Variants in MICAL3 observed in about 807,000 individuals in gnomAD.
MICAL3 encodes [F-actin]-monooxygenase MICAL3.
MICAL3 carries 62 observed loss-of-function variants against 207.4 expected under a neutral mutation model. That is an observed-to-expected ratio of 0.30 (90% CI 0.24 to 0.37). The LOEUF (loss-of-function observed/expected upper bound fraction) is 0.37, where lower values mean the gene tolerates loss of function less well. MICAL3 is among the 10% of genes least tolerant of loss of function. The probability of loss-of-function intolerance (pLI) is 1.00; values close to 1 mark genes in which losing one functional copy is unlikely to be tolerated. For missense variants in MICAL3, 2,368 were observed against 2,635.6 expected, an observed-to-expected ratio of 0.90 and a Z score of 2.22; for synonymous variants, 1,077 against 1,069.3, an observed-to-expected ratio of 1.01 and a Z score of -0.14.
intron 21 of MICAL3, among the ~76,000 whole-genome samples, chr22:17,828,890 A>G (rs1922487797): frequency 6.6e-6 from 1 of 152,226 alleles, no homozygotes. Context: ...CTAACCAGAC[A>G]ATCTGGCCTT....
intron 1 of MICAL3, among the ~76,000 whole-genome samples, chr22:17,976,589 A>T (rs1126227): frequency 0.38 from 25,518 of 66,982 alleles, 5,878 homozygotes; most frequent in East Asian, 0.5. Context: ...ATATATATAT[A>T]TTTTTTTTTT....
At chr22:17,836,290 C>T (rs867975161) in intron 20 of MICAL3, among the ~76,000 whole-genome samples, 4 of 152,246 alleles carry the variant, frequency 2.6e-5, no homozygotes, top group Admixed American at 6.5e-5. Context: ...GCCCGCAGCA[C>T]AAAGTGCTTC....
At chr22:17,885,561 T>C (rs531916881) in intron 16 of MICAL3, among the ~76,000 whole-genome samples, 22 of 152,318 alleles carry the variant, frequency 1.4e-4, no homozygotes, top group African/African-American at 4.8e-4. Flanking sequence ...TCAGTAAGTG[T>C]GTACTTCTCT....
intron 29 of MICAL3, chr22:17,791,631 A>G (rs1425501328): frequency 8.7e-6 from 3 of 345,572 alleles, no homozygotes; most frequent in African/African-American, 4.2e-5. Flanking sequence ...TTGCCACTCA[A>G]TGTTTATTTG....
chr22:17,942,340 A>T (rs1933845115), intron 1 of MICAL3, among the ~76,000 whole-genome samples: 1 of 152,176 alleles, frequency 6.6e-6, no homozygotes, highest in African/African-American at 2.4e-5. Flanking sequence ...AATGGAGCCC[A>T]GCCCCACCAA....
intron 1 of MICAL3, among the ~76,000 whole-genome samples, chr22:17,999,697 A>G (rs968298228): frequency 6.6e-6 from 1 of 152,224 alleles, no homozygotes; most frequent in African/African-American, 2.4e-5. Flanking sequence ...AGTCAAGTTT[A>G]AGACGTTTCA....
intron 16 of MICAL3, 34 bp downstream of exon 16, chr22:17,885,844 A>G (rs1929821840): frequency 6.2e-7 from 1 of 1,607,860 alleles, no homozygotes; most frequent in African/African-American, 1.3e-5. Flanking sequence ...TGATCTGACC[A>G]AATCGGTGTG....
intron 1 of MICAL3, among the ~76,000 whole-genome samples, chr22:17,950,800 C>G (rs1411453730): frequency 6.6e-6 from 1 of 152,200 alleles, no homozygotes; most frequent in East Asian, 1.9e-4. Context: ...GTCACACTCA[C>G]GACAGATGTC....
At chr22:17,946,564 T>C (rs1934077224) in intron 1 of MICAL3, among the ~76,000 whole-genome samples, 1 of 152,034 alleles carries the variant, frequency 6.6e-6, no homozygotes, top group South Asian at 2.1e-4. Flanking sequence ...CGACACTGAG[T>C]CATCTTAGCG....
At chr22:17,820,657 T>C (rs944617620) in intron 25 of MICAL3, among the ~76,000 whole-genome samples, 3 of 152,134 alleles carry the variant, frequency 2.0e-5, no homozygotes, top group Non-Finnish European at 2.9e-5. Flanking sequence ...CCTGGCCAGA[T>C]GTTGTAAATT....
intron 7 of MICAL3, among the ~76,000 whole-genome samples, chr22:17,897,422 C>CAAAAAAAA (rs71754131): frequency 1.4e-4 from 6 of 41,806 alleles, no homozygotes; most frequent in East Asian, 8.0e-4. Flanking sequence ...GACTCCAACT[C>CAAAAAAAA]AAAAAAAAAA....
rs1238349124 is a variant in MICAL3 at position 17,818,209 on chromosome 22, C to T, written c.4452G>A (p.Ser1484=). 21 of 1,548,574 alleles carry T rather than the reference C, an allele frequency of 1.4e-5. No individual in the cohort carries two copies. Among genetic ancestry groups the T allele is most frequent in the South Asian group, 2.4e-5 (2 of 85,098 alleles). ...RKLREAEPNA[S]VVPPPLPATW... is the part of the protein sequence containing the mutation. ...TGGCGGGCAAGGGCGGCGGGACCAC[C>T]GAGGCATTGGGCTCGGCCTCCCTGA... is the stretch of plus-strand genomic sequence containing the variant. The change falls in exon 26 of 32, where the codon TCG becomes TCA. Residue 1484 remains serine, a synonymous_variant. Transcript: ENST00000441493.
At chr22:17,897,102 CA>C (rs1930911715) in intron 7 of MICAL3, 121 bp from the exon 8 acceptor site, 1 of 1,112,666 alleles carries the variant, frequency 9.0e-7, no homozygotes, top group South Asian at 1.5e-5. Context: ...GTTCCAAAAC[CA>C]AAACTTTTAT....
chr22:17,880,871 G>A (rs1410776884), intron 16 of MICAL3, among the ~76,000 whole-genome samples: 1 of 152,254 alleles, frequency 6.6e-6, no homozygotes, highest in Non-Finnish European at 1.5e-5. Context: ...GAAAAGGGCT[G>A]CCTTCAGTGG....
At chr22:17,936,495 A>C (rs1933534952) in intron 1 of MICAL3, among the ~76,000 whole-genome samples, 1 of 152,100 alleles carries the variant, frequency 6.6e-6, no homozygotes, top group Admixed American at 6.5e-5. Context: ...TGATGGGTGC[A>C]GCAAACCAAC....
At chr22:17,945,891 G>A (rs1441042208) in intron 1 of MICAL3, among the ~76,000 whole-genome samples, 1 of 152,188 alleles carries the variant, frequency 6.6e-6, no homozygotes, top group African/African-American at 2.4e-5. Context: ...ATGTTCACTC[G>A]GTGGCGGAAG....
chr22:17,849,980 C>T (rs576061001), intron 19 of MICAL3, among the ~76,000 whole-genome samples: 45 of 152,048 alleles, frequency 3.0e-4, no homozygotes, highest in Admixed American at 1.8e-3. Flanking sequence ...TGTGAGCCAC[C>T]GCGCCCAGTC....
intron 1 of MICAL3, among the ~76,000 whole-genome samples, chr22:17,960,695 G>T (rs779773069): frequency 2.6e-5 from 4 of 152,152 alleles, no homozygotes; most frequent in Non-Finnish European, 5.9e-5. Context: ...GTGAGAGGGT[G>T]GGGGGAAGGA....
intron 24 of MICAL3, 45 bp from the exon 25 acceptor site, chr22:17,821,554 T>C (rs1245290957): frequency 6.7e-7 from 1 of 1,496,634 alleles, no homozygotes; most frequent in Non-Finnish European, 9.0e-7. Context: ...AGCCCCCCCA[T>C]GTGCCAGGAA....
Sources: gnomAD v4.1 joint callset for allele counts (sites outside exome capture counted in the v4.1 genomes callset) on GRCh38, gnomAD v4.1.1 for gene constraint, MANE v1.5 for transcripts, NCBI Gene and HGNC (gene_info 2026-07-23, HGNC 2026-07-21) for gene names.